The following ADAMTS18 variants were observed in gnomAD, a reference collection of about 807,000 sequenced individuals.
The protein encoded by ADAMTS18 is ADAM metallopeptidase with thrombospondin type 1 motif 18.
A neutral mutation model predicts 165.9 loss-of-function variants in ADAMTS18; 157 were observed. That is an observed-to-expected ratio of 0.95 (90% CI 0.83 to 1.08). The LOEUF (loss-of-function observed/expected upper bound fraction) is 1.08, where lower values mean the gene tolerates loss of function less well. ADAMTS18 is among the 50% of genes least tolerant of loss of function. The pLI, the probability that ADAMTS18 is intolerant of heterozygous loss-of-function variation, is 0.00. For missense variants in ADAMTS18, 2,040 were observed against 1,534.0 expected, an observed-to-expected ratio of 1.33 and a Z score of -5.51; for synonymous variants, 782 against 578.2, an observed-to-expected ratio of 1.35 and a Z score of -5.06.
chr16:77,348,940 A>G (rs1229207667), intron 10 of ADAMTS18, among the ~76,000 whole-genome samples: 1 of 152,182 alleles, frequency 6.6e-6, no homozygotes, highest in Non-Finnish European at 1.5e-5. Flanking sequence ...AACATATACA[A>G]AGGCTTGTAG....
At chr16:77,387,439 G>A (rs17620748) in intron 3 of ADAMTS18, among the ~76,000 whole-genome samples, 2 of 152,044 alleles carry the variant, frequency 1.3e-5, no homozygotes, top group Non-Finnish European at 2.9e-5. Context: ...AATAAAAGCA[G>A]ATAACCAGCT....
intron 7 of ADAMTS18, 126 bp from the exon 8 acceptor site, chr16:77,359,549 GAAA>G (rs3067843): frequency 7.1e-3 from 2,143 of 299,804 alleles, no homozygotes; most frequent in East Asian, 0.017. Flanking sequence ...AGTGTTTTTG[GAAA>G]AAAAAAAAAA....
chr16:77,311,101 GA>G (rs113014377), intron 16 of ADAMTS18, among the ~76,000 whole-genome samples: 8,616 of 151,836 alleles, frequency 0.057, 674 homozygotes, highest in African/African-American at 0.17. Flanking sequence ...ATATGAAAGG[GA>G]AAAAAAAGAG....
In ADAMTS18 at chr16:77,321,019, A is replaced by G. The variant is rs1597118898; in HGVS notation, c.2287+60T>C. ...GCTCAACCACATTTGGCGTGACTCAAACTTGTTTGGTAGCAAAAGTTGTAT... is the reference window on the plus strand; with the variant it reads ...GCTCAACCACATTTGGCGTGACTCAGACTTGTTTGGTAGCAAAAGTTGTAT... On this transcript the variant is annotated intron_variant, in intron 15 of 22. Transcript: ENST00000282849. The G allele has an allele frequency of 1.7e-5, 28 of 1,611,142 alleles. 1 individual carries two copies. The East Asian group carries it at 6.0e-4, about 35-fold the overall frequency.
chr16:77,400,672 A>G (rs1444510687), intron 3 of ADAMTS18, among the ~76,000 whole-genome samples: 1 of 151,276 alleles, frequency 6.6e-6, no homozygotes, highest in African/African-American at 2.4e-5. Flanking sequence ...TAGTAGAGAC[A>G]GGGTTTCACC....
chr16:77,380,729 C>T (rs1450107359), intron 3 of ADAMTS18, among the ~76,000 whole-genome samples: 1 of 152,154 alleles, frequency 6.6e-6, no homozygotes, highest in East Asian at 1.9e-4. Flanking sequence ...TGGCCCCTTC[C>T]TTCTTATTCT....
Position 77,335,740 on chromosome 16 carries a change from T to G in ADAMTS18, c.1859+16A>C. 3 of 1,614,198 alleles carry G rather than the reference T, an allele frequency of 1.9e-6. No homozygotes were observed. Among genetic ancestry groups the G allele is most frequent in the Non-Finnish European group, 2.5e-6 (3 of 1,180,016 alleles). On this transcript the variant is annotated intron_variant, in intron 12 of 22. Transcript: ENST00000282849. ...GTTAAGGCCTTGCAAAGACTAACTT[T>G]CTGCTGGAGGCTTACTTGGGGTTAT...
intron 16 of ADAMTS18, among the ~76,000 whole-genome samples, chr16:77,304,232 T>G (rs569732550): frequency 6.6e-6 from 1 of 152,130 alleles, no homozygotes; most frequent in African/African-American, 2.4e-5. Context: ...GCTGAGGCAG[T>G]AGGATCTTTT....
chr16:77,293,173 C>T lies in ADAMTS18; in HGVS notation c.3092G>A (p.Cys1031Tyr), dbSNP rs757730361. 7 of 1,613,952 alleles carry T rather than the reference C, an allele frequency of 4.3e-6. No individual in the cohort carries two copies. In the African/African-American group the frequency reaches 9.3e-5, roughly 22 times the overall value. ...CAGCTCAGGTCTGGGGAGACTGGTA[C>T]ACTGGCTCTCGGGGAGGGTTTCTGC... ...SAAETLPESQ[C>Y]TSLPRPELQE... The change falls in exon 20 of 23, where the codon TGT (cysteine) becomes TAT (tyrosine). Residue 1031 changes from cysteine (C) to tyrosine (Y), a missense_variant. Physicochemically the swap from Cys to Tyr is radical, Grantham distance 194. Transcript: ENST00000282849.
At chr16:77,426,585 T>A (rs2057675961) in intron 3 of ADAMTS18, among the ~76,000 whole-genome samples, 1 of 152,220 alleles carries the variant, frequency 6.6e-6, no homozygotes, top group African/African-American at 2.4e-5. Context: ...AAATAGCAGT[T>A]GCCAGGTCTA....
At chr16:77,390,822 C>G (rs1351308321) in intron 3 of ADAMTS18, among the ~76,000 whole-genome samples, 1 of 152,152 alleles carries the variant, frequency 6.6e-6, no homozygotes, top group Non-Finnish European at 1.5e-5. Context: ...TAAATTTGAT[C>G]CATTACAATG....
intron 12 of ADAMTS18, among the ~76,000 whole-genome samples, chr16:77,327,033 T>G (rs1319814716): frequency 2.6e-5 from 4 of 152,238 alleles, no homozygotes; most frequent in Non-Finnish European, 5.9e-5. Flanking sequence ...GATCTCATTC[T>G]TTTGTTTTGG....
chr16:77,430,434 A>T (rs1480213079), intron 3 of ADAMTS18, among the ~76,000 whole-genome samples: 1 of 152,222 alleles, frequency 6.6e-6, no homozygotes, highest in East Asian at 1.9e-4. Flanking sequence ...GCTTTGTGCC[A>T]TGATGTACCA....
intron 3 of ADAMTS18, among the ~76,000 whole-genome samples, chr16:77,423,889 T>C (rs534581982): frequency 6.6e-6 from 1 of 152,232 alleles, no homozygotes; most frequent in East Asian, 1.9e-4. Context: ...AAGACAGGGA[T>C]GGTAGCTGGT....
intron 3 of ADAMTS18, among the ~76,000 whole-genome samples, chr16:77,390,646 C>T (rs1488975141): frequency 6.6e-6 from 1 of 151,176 alleles, no homozygotes; most frequent in Non-Finnish European, 1.5e-5. Context: ...GTGGAGATCG[C>T]ACCACTGCAC....
At chr16:77,336,100 C>G (rs990616672) in intron 11 of ADAMTS18, among the ~76,000 whole-genome samples, 196 bp from the exon 12 acceptor site, 3 of 152,192 alleles carry the variant, frequency 2.0e-5, no homozygotes, top group Non-Finnish European at 4.4e-5. Flanking sequence ...TTTTGAAAGG[C>G]TGACATCTAG....
chr16:77,434,550 C>T (rs1395813740), intron 1 of ADAMTS18, 45 bp from the exon 2 acceptor site: 2 of 1,533,762 alleles, frequency 1.3e-6, no homozygotes, highest in Admixed American at 3.9e-5. Context: ...CGCGGCGGGG[C>T]TGGCGTCGGG....
rs761060192 is a variant in ADAMTS18 at position 77,431,497 on chromosome 16, T to C, written c.293A>G (p.His98Arg). Reference protein sequence around the residue: ...RSAQNARSSLHYRFSAFGQEL... With the variant: ...RSAQNARSSLRYRFSAFGQEL... ...CTGTCCAAATGCTGAAAATCGGTAG[T>C]GCAGGGAGCTTCTGGCATTCTGCGC... is the stretch of plus-strand genomic sequence containing the variant. Residue 98 changes from histidine (H) to arginine (R), a missense_variant, in exon 3 of 23, where the codon CAC (histidine) becomes CGC (arginine). Transcript: ENST00000282849. 3.7e-6 allele frequency: 6 copies of C among 1,614,222 alleles called. No homozygotes were observed. In the Admixed American group the frequency reaches 5.0e-5, roughly 13 times the overall value.
intron 3 of ADAMTS18, among the ~76,000 whole-genome samples, chr16:77,369,205 A>G (rs547332005): frequency 1.3e-5 from 2 of 152,012 alleles, no homozygotes; most frequent in Non-Finnish European, 2.9e-5. Flanking sequence ...GTTATGTCAC[A>G]TTTTTCATTT....
Sources: allele counts gnomAD v4.1 joint callset (sites outside exome capture counted in the v4.1 genomes callset), GRCh38; gene constraint gnomAD v4.1.1; transcripts MANE v1.5; gene names NCBI Gene and HGNC (gene_info 2026-07-23, HGNC 2026-07-21).